The following SIN3A variants were observed in gnomAD, a reference collection of about 807,000 sequenced individuals.
SIN3A encodes paired amphipathic helix protein Sin3a.
In SIN3A, 14 loss-of-function variants were observed where a neutral mutation model predicts 146.1. The observed-to-expected ratio is 0.10, with a 90% CI of 0.06 to 0.15. The LOEUF (loss-of-function observed/expected upper bound fraction) is 0.15, where lower values mean the gene tolerates loss of function less well. Among genes scored for constraint, SIN3A ranks in the 10% least tolerant of loss-of-function variants. The pLI is 1.00. For synonymous variants in SIN3A, 572 were observed against 572.0 expected (o/e 1.00, Z 0.00); for missense variants, 1,028 against 1,576.0 (o/e 0.65, Z 5.89).
chr15:75,393,647 T>C (rs992898209), intron 14 of SIN3A, among the ~76,000 whole-genome samples: 3 of 152,114 alleles, frequency 2.0e-5, no homozygotes, highest in Non-Finnish European at 2.9e-5. Context: ...AGTGATGGGA[T>C]TACAGGCGTG....
intron 3 of SIN3A, among the ~76,000 whole-genome samples, chr15:75,414,532 T>G (rs2073699279): frequency 6.6e-6 from 1 of 152,216 alleles, no homozygotes; most frequent in South Asian, 2.1e-4. Flanking sequence ...TGGAAAATTT[T>G]GAACAGAATG....
At chr15:75,455,649 T>TC (rs1473481955), upstream of SIN3A, 4 of 152,060 alleles carry the variant, frequency 2.6e-5, no homozygotes, top group Non-Finnish European at 5.9e-5. Flanking sequence ...GCCGCGGAAC[T>TC]CCGAGCCTCC....
chr15:75,449,594 T>C (rs193275202), intron 1 of SIN3A, among the ~76,000 whole-genome samples: 40 of 152,230 alleles, frequency 2.6e-4, no homozygotes, highest in South Asian at 6.2e-4. Context: ...GCTACAGAAG[T>C]CACATACAGA....
chr15:75,372,372 T>TTTAAAGAGAAG (rs2072769018), intron 20 of SIN3A, among the ~76,000 whole-genome samples, 163 bp from the exon 21 acceptor site: 1 of 151,942 alleles, frequency 6.6e-6, no homozygotes, highest in Non-Finnish European at 1.5e-5. Context: ...GGATTCTCTG[T>TTTAAAGAGAAG]TTAAAGAGAA....
upstream of SIN3A, chr15:75,453,885 G>C (rs1276055425): frequency 1.3e-5 from 2 of 152,322 alleles, no homozygotes; most frequent in African/African-American, 4.8e-5. Context: ...CTCGAGCCTC[G>C]GTGGAACCTT....
intron 3 of SIN3A, chr15:75,415,307 G>C (rs1405815731): frequency 1.3e-5 from 2 of 152,702 alleles, no homozygotes; most frequent in Non-Finnish European, 2.9e-5. Flanking sequence ...AGCTAAGGGA[G>C]AGCCAGCATT....
chr15:75,429,612 GCTT>G (rs1476420765), intron 2 of SIN3A, among the ~76,000 whole-genome samples: 2 of 152,142 alleles, frequency 1.3e-5, no homozygotes, highest in Non-Finnish European at 2.9e-5. Context: ...TCTGGCACAA[GCTT>G]CTTATTTTGT....
chr15:75,396,160 C>T, intron 13 of SIN3A, 98 bp downstream of exon 13: 1 of 902,234 alleles, frequency 1.1e-6, no homozygotes, highest in Non-Finnish European at 1.8e-6. Context: ...AGAGAGGTCT[C>T]ATGGGACAAC....
chr15:75,422,747 G>A lies in SIN3A; in HGVS notation c.266C>T (p.Thr89Ile). 1.2e-6 allele frequency: 2 copies of A among 1,614,214 alleles called. No individual in the cohort carries two copies. Among genetic ancestry groups the A allele is most frequent in the African/African-American group, 2.7e-5 (2 of 75,054 alleles). Residue 89 changes from threonine (T) to isoleucine (I), a missense_variant, in exon 3 of 21, where the codon ACA (threonine) becomes ATA (isoleucine). Physicochemically the swap from Thr to Ile is moderately conservative, Grantham distance 89. Around this residue, in one of 9 missense-constraint regions of SIN3A, gnomAD observed 152 missense variants for 231.5 expected, o/e 0.66. Transcript: ENST00000394947. Reference sequence around the variant, plus strand: ...CTGGCCTCCGTGGGGCTGCACCGCTGTTGGGTGATGATGGCTGCTATGAAC... The same window carrying A: ...CTGGCCTCCGTGGGGCTGCACCGCTATTGGGTGATGATGGCTGCTATGAAC... ...AAVHSSHHHPTAVQPHGGQVV... is the reference protein window; with the variant it reads ...AAVHSSHHHPIAVQPHGGQVV...
chr15:75,400,189 G>T, intron 11 of SIN3A, 33 bp from the exon 12 acceptor site: 1 of 1,210,120 alleles, frequency 8.3e-7, no homozygotes, highest in South Asian at 1.3e-5. Flanking sequence ...TGAAACAAAA[G>T]CCTAAAAAAG....
At chr15:75,446,374 A>G (rs913011022) in intron 1 of SIN3A, 6 of 149,578 alleles carry the variant, frequency 4.0e-5, no homozygotes, top group Non-Finnish European at 7.4e-5. Flanking sequence ...ACATGTTCCA[A>G]AACAGCATGA....
At chr15:75,414,853 C>G (rs571055876) in intron 3 of SIN3A, among the ~76,000 whole-genome samples, 1 of 152,162 alleles carries the variant, frequency 6.6e-6, no homozygotes. Context: ...AAGTGAAGAC[C>G]AGTGAAGAAA....
chr15:75,376,883 A>C (rs1003092026), intron 19 of SIN3A, among the ~76,000 whole-genome samples: 1 of 143,194 alleles, frequency 7.0e-6, no homozygotes, highest in Admixed American at 6.9e-5. Context: ...AAAAAAAAAA[A>C]CCAACCAGCC....
intron 12 of SIN3A, among the ~76,000 whole-genome samples, chr15:75,398,008 G>A (rs2073336470): frequency 6.6e-6 from 1 of 152,150 alleles, no homozygotes; most frequent in Admixed American, 6.6e-5. Context: ...CCTGCCAGTG[G>A]CCAGGCAGCA....
chr15:75,402,279 A>C (rs757077744), intron 9 of SIN3A, among the ~76,000 whole-genome samples: 1 of 152,290 alleles, frequency 6.6e-6, no homozygotes, highest in South Asian at 2.1e-4. Flanking sequence ...TGGGAGGCCA[A>C]GGTGGGTGGA....
At chr15:75,431,819 T>A (rs925001840) in intron 1 of SIN3A, among the ~76,000 whole-genome samples, 2 of 152,172 alleles carry the variant, frequency 1.3e-5, no homozygotes, top group African/African-American at 4.8e-5. Context: ...GCCACTCTAA[T>A]CCTTAGCTCT....
chr15:75,407,324 TCA>T (rs958638133), intron 8 of SIN3A, among the ~76,000 whole-genome samples, 180 bp from the exon 9 acceptor site: 55 of 152,220 alleles, frequency 3.6e-4, no homozygotes, highest in African/African-American at 1.2e-3. Flanking sequence ...ATTTTCTATT[TCA>T]GTTTGCCTAT....
At chr15:75,416,075 T>C (rs2073730342) in intron 3 of SIN3A, 2 of 252,386 alleles carry the variant, frequency 7.9e-6, no homozygotes, top group African/African-American at 2.3e-5. Flanking sequence ...GTTTGAACTA[T>C]AAAGTTATGA....
chr15:75,395,730 C>A (rs984020677), intron 13 of SIN3A, among the ~76,000 whole-genome samples: 4 of 151,868 alleles, frequency 2.6e-5, no homozygotes, highest in African/African-American at 7.3e-5. Flanking sequence ...AAGACCTCAT[C>A]TCTATTAAAA....
Sources: gnomAD v4.1 joint callset for allele counts (sites outside exome capture counted in the v4.1 genomes callset) on GRCh38, gnomAD v4.1.1 for gene constraint, gnomAD v4.1.1 regional missense constraint, MANE v1.5 for transcripts, NCBI Gene and HGNC (gene_info 2026-07-23, HGNC 2026-07-21) for gene names.